Variants in PRKCH observed in about 807,000 individuals in gnomAD.
The protein encoded by PRKCH is protein kinase C eta type.
PRKCH carries 28 observed loss-of-function variants against 82.5 expected under a neutral mutation model. The observed-to-expected ratio is 0.34, with a 90% CI of 0.25 to 0.47. The LOEUF is 0.47. Ranked by LOEUF, PRKCH falls within the 20% of genes least tolerant of loss-of-function variation. The pLI is 1.00. For synonymous variants in PRKCH, 322 were observed against 327.4 expected, an observed-to-expected ratio of 0.98 and a Z score of 0.18; for missense variants, 705 against 881.8, an observed-to-expected ratio of 0.80 and a Z score of 2.54.
At chr14:61,253,151 G>A (rs376884355) in intron 1 of PRKCH, among the ~76,000 whole-genome samples, 6 of 152,184 alleles carry the variant, frequency 3.9e-5, no homozygotes, top group Non-Finnish European at 7.3e-5. Flanking sequence ...TAGAAACACC[G>A]TTTGTGGACT....
intron 10 of PRKCH, among the ~76,000 whole-genome samples, chr14:61,490,054 T>C (rs1391554030): frequency 6.6e-6 from 1 of 152,240 alleles, no homozygotes; most frequent in Non-Finnish European, 1.5e-5. Context: ...CACAGCACTT[T>C]CCAACACATG....
intron 9 of PRKCH, among the ~76,000 whole-genome samples, chr14:61,463,711 A>T (rs1303467261): frequency 2.6e-5 from 4 of 152,094 alleles, no homozygotes; most frequent in Non-Finnish European, 5.9e-5. Flanking sequence ...GTTTATATAT[A>T]TTTTTTTGGT....
At chr14:61,346,865 A>G (rs1594933585) in intron 1 of PRKCH, among the ~76,000 whole-genome samples, 1 of 152,358 alleles carries the variant, frequency 6.6e-6, no homozygotes, top group South Asian at 2.1e-4. Context: ...CATTATAGTA[A>G]TGAACATTTA....
intron 2 of PRKCH, among the ~76,000 whole-genome samples, chr14:61,396,081 G>GAAAAAAAAAA (rs34478520): frequency 8.3e-6 from 1 of 120,564 alleles, no homozygotes. Flanking sequence ...CCTTGTTTCA[G>GAAAAAAAAAA]AAAAAAAAAA....
chr14:61,484,885 A>G (rs992463691), intron 9 of PRKCH, among the ~76,000 whole-genome samples: 3 of 147,638 alleles, frequency 2.0e-5, no homozygotes, highest in Non-Finnish European at 3.0e-5. Context: ...CCTCCTGCCT[A>G]ATTTTTTTTT....
At chr14:61,537,102 A>G (rs2043120552) in intron 12 of PRKCH, among the ~76,000 whole-genome samples, 1 of 152,196 alleles carries the variant, frequency 6.6e-6, no homozygotes, top group Non-Finnish European at 1.5e-5. Flanking sequence ...GTAACTTTAT[A>G]TGCACCCAAA....
rs370841779 is a variant in PRKCH, at chr14:61,385,791, TC to T, written c.364-5430del. ...CATTTGTTCCACAAACCATTTTCTG[TC>T]CCCTTATATGCAAGGTAGGGTCTCC... On this transcript the variant is annotated intron_variant, in intron 1 of 13. Transcript: ENST00000332981. Among the ~76,000 whole-genome samples, 113 of 152,300 alleles carry T rather than the reference TC, an allele frequency of 7.4e-4. No individual in the cohort carries two copies. The East Asian group carries it at 0.015, about 20-fold the overall frequency.
chr14:61,243,948 TAA>T (rs36057064), intron 1 of PRKCH, among the ~76,000 whole-genome samples: 8,094 of 148,228 alleles, frequency 0.055, 277 homozygotes, highest in Middle Eastern at 0.12. Context: ...TCATCTTAAT[TAA>T]AAAAAAAAAA....
At chr14:61,419,884 G>T (rs1033979861) in intron 2 of PRKCH, among the ~76,000 whole-genome samples, 1 of 152,212 alleles carries the variant, frequency 6.6e-6, no homozygotes, top group South Asian at 2.1e-4. Flanking sequence ...GGTGGTGTCT[G>T]CCTTACTCCT....
intron 1 of PRKCH, among the ~76,000 whole-genome samples, chr14:61,345,871 TCTC>T (rs762285574): frequency 6.0e-5 from 1 of 16,662 alleles, no homozygotes; most frequent in Admixed American, 5.1e-4. Flanking sequence ...AGACCCTGTC[TCTC>T]TTTTTTTTTT....
intron 10 of PRKCH, among the ~76,000 whole-genome samples, chr14:61,513,639 A>AT (rs2042779403): frequency 6.6e-6 from 1 of 152,156 alleles, no homozygotes; most frequent in Non-Finnish European, 1.5e-5. Context: ...GAAAAATGAA[A>AT]TTTCCAAATA....
rs370764094 is a variant in PRKCH at position 61,375,942 on chromosome 14, G to A, written c.364-15283G>A. Among the ~76,000 whole-genome samples, 24 of 151,328 alleles carry A rather than the reference G, an allele frequency of 1.6e-4. 1 individual carries two copies. Among genetic ancestry groups the A allele is most frequent in the African/African-American group, 5.4e-4 (22 of 40,948 alleles). On this transcript the variant is annotated intron_variant, in intron 1 of 13. Coordinates refer to ENST00000332981, the MANE Select transcript of PRKCH (RefSeq NM_006255.5). ...TGAGGCAGGAGAATCACTTGAACCCGGGAGGTAGAGGTTGCAGTGAGCCAA... is the reference window on the plus strand; with the variant it reads ...TGAGGCAGGAGAATCACTTGAACCCAGGAGGTAGAGGTTGCAGTGAGCCAA...
chr14:61,528,781 C>T (rs1258090999), intron 10 of PRKCH: 2 of 217,632 alleles, frequency 9.2e-6, no homozygotes, highest in African/African-American at 4.6e-5. Context: ...CCTAGAAAAG[C>T]CACATTCTGC....
At chr14:61,232,100 T>C (rs867319718) in intron 1 of PRKCH, among the ~76,000 whole-genome samples, 2 of 152,314 alleles carry the variant, frequency 1.3e-5, no homozygotes, top group Middle Eastern at 3.4e-3. Context: ...TTGTTTCGCT[T>C]TTGCTTCTGA....
chr14:61,333,922 C>T (rs984278727), intron 1 of PRKCH, among the ~76,000 whole-genome samples: 1 of 152,058 alleles, frequency 6.6e-6, no homozygotes, highest in Admixed American at 6.5e-5. Flanking sequence ...ATCCTCTTAC[C>T]CTTTGAGCCC....
rs556028065 is a variant in PRKCH, at chr14:61,401,969, G to A, written c.427+10681G>A. ...CGAATGAACTGCGCCTGTTACTTCA[G>A]GGAAAACAACTGTAAGTATTTGGTG... On this transcript the variant is annotated intron_variant, in intron 2 of 13. Transcript: ENST00000332981. Among the ~76,000 whole-genome samples the A allele has an allele frequency of 2.0e-5, 3 of 152,302 alleles. No homozygotes were observed. The South Asian group carries it at 6.2e-4, about 32-fold the overall frequency.
chr14:61,237,087 C>T (rs1020243243), intron 1 of PRKCH, among the ~76,000 whole-genome samples: 1 of 151,852 alleles, frequency 6.6e-6, no homozygotes, highest in Admixed American at 6.6e-5. Flanking sequence ...GGTCTGGATA[C>T]AGACCCCCTT....
At chr14:61,534,262 C>A (rs539495601) in intron 12 of PRKCH, among the ~76,000 whole-genome samples, 2 of 152,312 alleles carry the variant, frequency 1.3e-5, no homozygotes, top group East Asian at 3.9e-4. Flanking sequence ...TATTTGTACA[C>A]CCATGTCCAT....
At chr14:61,191,245 G>GT (rs2044405045) in intron 1 of PRKCH, among the ~76,000 whole-genome samples, 1 of 152,200 alleles carries the variant, frequency 6.6e-6, no homozygotes, top group South Asian at 2.1e-4. Flanking sequence ...TTGTAGCTAT[G>GT]ACAATCTCCT....
Sources: allele counts gnomAD v4.1 joint callset (sites outside exome capture counted in the v4.1 genomes callset), GRCh38; gene constraint gnomAD v4.1.1; transcripts MANE v1.5; gene names NCBI Gene and HGNC (gene_info 2026-07-23, HGNC 2026-07-21).